Variants in BABAM2 observed in about 807,000 individuals in gnomAD.
BABAM2 encodes BRISC and BRCA1-A complex member 2.
In BABAM2, 31 loss-of-function variants were observed where a neutral mutation model predicts 54.7. That is an observed-to-expected ratio of 0.57 (90% CI 0.43 to 0.77). BABAM2 has a LOEUF of 0.77. BABAM2 is among the 30% of genes least tolerant of loss of function. The pLI, the probability that BABAM2 is intolerant of heterozygous loss-of-function variation, is 0.00. For missense variants in BABAM2, 364 were observed against 455.8 expected (o/e 0.80, Z 1.83); for synonymous variants, 167 against 162.9 (o/e 1.03, Z -0.19).
intron 5 of BABAM2, among the ~76,000 whole-genome samples, chr2:28,025,670 G>A (rs1675602062): frequency 6.6e-6 from 1 of 152,174 alleles, no homozygotes; most frequent in South Asian, 2.1e-4. Context: ...AGCAGTCAGA[G>A]GTGGAGCCTG....
In BABAM2 at chr2:28,338,809, C is replaced by G. The variant is rs1691696450; in HGVS notation, c.*296C>G. 2.8e-6 allele frequency: 1 copy of G among 361,142 alleles called. No homozygotes were observed. Among genetic ancestry groups the G allele is most frequent in the Non-Finnish European group, 5.2e-6 (1 of 192,654 alleles). The allele number at this position is 361,142 out of a possible 1,614,324, so 22.4% of individuals were successfully genotyped here. A position where few individuals can be genotyped will look rare whatever the true frequency, so the allele number is the denominator to read the frequency against. ...AGTAATTTTCCGGGGAAAGTAAAGC[C>G]TCAGGAATGCCCACGCCTTTCTTCC... On this transcript the variant is annotated 3_prime_UTR_variant, in exon 12 of 12. Coordinates refer to ENST00000379624, the MANE Select transcript of BABAM2 (RefSeq NM_199191.3).
chr2:28,080,872 C>CT (rs1380163518), intron 6 of BABAM2, among the ~76,000 whole-genome samples: 3 of 152,258 alleles, frequency 2.0e-5, no homozygotes, highest in East Asian at 3.9e-4. Flanking sequence ...TGTAAGGCAT[C>CT]TTTTTTCCTA....
At position 28,033,346 on chromosome 2, in the gene BABAM2, C is replaced by T. The variant is rs367849894; in HGVS notation, c.495+7926C>T. ...TTTCTGTTGCTTACAACAGAATACCCGAAACTAATAACTTATAAAGAAAAG... is the reference window on the plus strand; with the variant it reads ...TTTCTGTTGCTTACAACAGAATACCTGAAACTAATAACTTATAAAGAAAAG... On this transcript the variant is annotated intron_variant, in intron 5 of 11. Coordinates refer to ENST00000379624, the MANE Select transcript of BABAM2 (RefSeq NM_199191.3). 1.4e-4 allele frequency among the ~76,000 whole-genome samples: 21 copies of T among 152,036 alleles called. 1 individual carries two copies. Among genetic ancestry groups the T allele is most frequent in the African/African-American group, 4.6e-4 (19 of 41,466 alleles).
intron 2 of BABAM2, among the ~76,000 whole-genome samples, chr2:27,925,782 C>A (rs780627791): frequency 6.6e-6 from 1 of 152,202 alleles, no homozygotes; most frequent in Non-Finnish European, 1.5e-5. Context: ...TGACCCTGTT[C>A]GTTCCTTTCC....
upstream of BABAM2, among the ~76,000 whole-genome samples, chr2:27,889,334 T>A (rs987985437): frequency 6.6e-6 from 1 of 152,206 alleles, no homozygotes; most frequent in Non-Finnish European, 1.5e-5. Context: ...AAAGCAACAT[T>A]TCAGGACGAA....
At chr2:27,978,703 A>G (rs1326038435) in intron 3 of BABAM2, among the ~76,000 whole-genome samples, 1 of 152,132 alleles carries the variant, frequency 6.6e-6, no homozygotes, top group African/African-American at 2.4e-5. Flanking sequence ...TAAATTGCAT[A>G]TCACTGGGGT....
At chr2:28,053,258 A>G (rs917447913) in intron 6 of BABAM2, among the ~76,000 whole-genome samples, 1 of 152,184 alleles carries the variant, frequency 6.6e-6, no homozygotes, top group Non-Finnish European at 1.5e-5. Context: ...TTTTTTTGAA[A>G]TCAGTAAAGT....
intron 7 of BABAM2, among the ~76,000 whole-genome samples, chr2:28,162,930 T>C (rs1165455929): frequency 6.6e-6 from 1 of 152,190 alleles, no homozygotes; most frequent in Non-Finnish European, 1.5e-5. Flanking sequence ...AGATGTCAGT[T>C]TTTTTCCCCC....
chr2:28,257,544 T>C (rs1684074853), intron 10 of BABAM2, among the ~76,000 whole-genome samples: 1 of 152,190 alleles, frequency 6.6e-6, no homozygotes, highest in Non-Finnish European at 1.5e-5. Context: ...TGTTTATGCA[T>C]TTACCAGATG....
intron 3 of BABAM2, among the ~76,000 whole-genome samples, chr2:27,931,799 T>C (rs1179149113): frequency 1.3e-5 from 2 of 152,192 alleles, no homozygotes; most frequent in African/African-American, 4.8e-5. Context: ...CCATAGATAC[T>C]GTGTCTTTTG....
chr2:27,916,061 A>C (rs1470698943), intron 2 of BABAM2, among the ~76,000 whole-genome samples: 1 of 152,210 alleles, frequency 6.6e-6, no homozygotes, highest in African/African-American at 2.4e-5. Context: ...CATGAGAGCT[A>C]ATCAGGGTGA....
At chr2:27,939,474 T>C (rs552826890) in intron 3 of BABAM2, among the ~76,000 whole-genome samples, 1 of 152,248 alleles carries the variant, frequency 6.6e-6, no homozygotes, top group Non-Finnish European at 1.5e-5. Context: ...GAATCTTTAG[T>C]GTTCAGATTT....
At position 27,970,575 on chromosome 2, in the gene BABAM2, C is replaced by A. The variant is rs139457294; in HGVS notation, c.206-17418C>A. The stretch of plus-strand genomic sequence containing the variant: ...CCCCTAAGTACTTCACTACATATCT[C>A]CCAAGAAAAGAACATTTTTCTCCTA... On this transcript the variant is annotated intron_variant, in intron 3 of 11. Coordinates refer to ENST00000379624, the MANE Select transcript of BABAM2 (RefSeq NM_199191.3). Among the ~76,000 whole-genome samples the A allele has an allele frequency of 2.0e-4, 30 of 152,240 alleles. No homozygotes were observed. The East Asian group carries it at 4.4e-3, about 23-fold the overall frequency.
intron 5 of BABAM2, among the ~76,000 whole-genome samples, chr2:28,035,068 T>G (rs558716148): frequency 4.6e-5 from 7 of 152,270 alleles, no homozygotes; most frequent in African/African-American, 1.4e-4. Flanking sequence ...GAAGAATTAG[T>G]ACAAAAAAAC....
At chr2:27,909,479 A>G (rs944246937) in intron 2 of BABAM2, among the ~76,000 whole-genome samples, 5 of 152,146 alleles carry the variant, frequency 3.3e-5, no homozygotes, top group Admixed American at 6.5e-5. Context: ...AGATAGATGT[A>G]TGATTTGCAA....
intron 6 of BABAM2, among the ~76,000 whole-genome samples, chr2:28,082,028 T>C (rs1665216042): frequency 6.6e-6 from 1 of 152,202 alleles, no homozygotes; most frequent in Non-Finnish European, 1.5e-5. Flanking sequence ...GATTGTTTTC[T>C]TTGGAGGTAA....
chr2:27,896,679 T>C (rs1397282939), intron 2 of BABAM2: 1 of 160,814 alleles, frequency 6.2e-6, no homozygotes, highest in East Asian at 1.9e-4. Context: ...CATTATCTAT[T>C]GTGTCCACCT....
intron 3 of BABAM2, among the ~76,000 whole-genome samples, chr2:27,974,618 G>A (rs780086785): frequency 3.3e-5 from 5 of 152,024 alleles, no homozygotes; most frequent in Non-Finnish European, 5.9e-5. Flanking sequence ...AACTTATAAA[G>A]GACATCTACC....
At chr2:28,210,315 T>C (rs1679327003) in intron 7 of BABAM2, among the ~76,000 whole-genome samples, 1 of 152,250 alleles carries the variant, frequency 6.6e-6, no homozygotes, top group African/African-American at 2.4e-5. Context: ...TGCCGTGAGC[T>C]GCTCACAATC....
Sources: allele counts gnomAD v4.1 joint callset (sites outside exome capture counted in the v4.1 genomes callset), GRCh38; gene constraint gnomAD v4.1.1; transcripts MANE v1.5; gene names NCBI Gene and HGNC (gene_info 2026-07-23, HGNC 2026-07-21).